Variants in XPO7 observed in about 807,000 individuals in gnomAD.
XPO7 encodes the protein exportin 7.
A neutral mutation model predicts 144.3 loss-of-function variants in XPO7; 21 were observed. That is an observed-to-expected ratio of 0.15 (90% CI 0.10 to 0.21). The LOEUF (loss-of-function observed/expected upper bound fraction) is 0.21. XPO7 is among the 10% of genes least tolerant of loss of function. XPO7 has a pLI of 1.00. For synonymous variants in XPO7, 580 were observed against 499.6 expected, an observed-to-expected ratio of 1.16 and a Z score of -2.15; for missense variants, 808 against 1,325.8, an observed-to-expected ratio of 0.61 and a Z score of 6.06.
intron 4 of XPO7, among the ~76,000 whole-genome samples, chr8:21,971,312 A>T (rs1175614336): frequency 6.6e-6 from 1 of 152,194 alleles, no homozygotes. Context: ...GACTGTATCT[A>T]CTTCCACAAA....
intron 21 of XPO7, among the ~76,000 whole-genome samples, chr8:21,997,682 AGT>A (rs1812998376): frequency 6.6e-6 from 1 of 152,170 alleles, no homozygotes; most frequent in African/African-American, 2.4e-5. Context: ...AAGCCGCTAG[AGT>A]GTTTTCAGCA....
rs1047909373 is a variant in XPO7 at position 21,992,072 on chromosome 8, T to C, written c.2148+98T>C. 37 of 820,394 alleles carry C rather than the reference T, an allele frequency of 4.5e-5. No individual in the cohort carries two copies. The East Asian group carries it at 9.1e-4, about 20-fold the overall frequency. The allele number at this position is 820,394 out of a possible 1,614,324, so 50.8% of individuals were successfully genotyped here. A position where few individuals can be genotyped will look rare whatever the true frequency, so the allele number is the denominator to read the frequency against. On this transcript the variant is annotated intron_variant, in intron 19 of 27. Coordinates refer to ENST00000252512, the MANE Select transcript of XPO7 (RefSeq NM_015024.5). The stretch of plus-strand genomic sequence containing the variant: ...ACTGTAAACTATCCACTGCCATAGC[T>C]TTTTTTAATGTCTTGGACTTCTAGG...
At chr8:21,932,079 G>C (rs1355114508) in intron 1 of XPO7, among the ~76,000 whole-genome samples, 1 of 152,016 alleles carries the variant, frequency 6.6e-6, no homozygotes, top group African/African-American at 2.4e-5. Context: ...TCACCGTGTT[G>C]GCCAGGCTGG....
chr8:21,925,217 G>A (rs1362568451), intron 1 of XPO7, among the ~76,000 whole-genome samples: 1 of 152,176 alleles, frequency 6.6e-6, no homozygotes, highest in Admixed American at 6.5e-5. Flanking sequence ...TTGGGGGAGG[G>A]AGAGAGTTGT....
At chr8:21,929,052 T>C (rs994697155) in intron 1 of XPO7, among the ~76,000 whole-genome samples, 3 of 152,232 alleles carry the variant, frequency 2.0e-5, no homozygotes, top group Non-Finnish European at 4.4e-5. Context: ...GCCCAGTATG[T>C]TTCTAACCCA....
At position 22,005,616 on chromosome 8, in the gene XPO7, T is replaced by C. The variant is rs992566074; in HGVS notation, c.*528T>C. The C allele has an allele frequency of 6.6e-6, 1 of 152,430 alleles. No individual in the cohort carries two copies. The highest frequency in any genetic ancestry group is 6.5e-5 in the Admixed American group (1 of 15,290). The allele number at this position is 152,430 out of a possible 1,614,324, so 9.4% of individuals were successfully genotyped here. A position where few individuals can be genotyped will look rare whatever the true frequency, so the allele number is the denominator to read the frequency against. On this transcript the variant is annotated 3_prime_UTR_variant, in exon 28 of 28. Transcript: ENST00000252512. ...ATGTGTGAGAGTGCAGAGATATATT[T>C]AGTGACACAGTAGAGAGGCAAAAAA...
At chr8:21,985,775 G>A (rs1049904169) in intron 13 of XPO7, 84 bp downstream of exon 13, 16 of 1,219,676 alleles carry the variant, frequency 1.3e-5, no homozygotes, top group African/African-American at 6.0e-5. Context: ...CTTACAGAAC[G>A]TAATCTGAAC....
At chr8:21,955,513 G>A (rs1311893219) in intron 1 of XPO7, among the ~76,000 whole-genome samples, 8 of 152,094 alleles carry the variant, frequency 5.3e-5, no homozygotes, top group Non-Finnish European at 4.4e-5. Context: ...AGGCAGTGGT[G>A]GCAGGGATCT....
chr8:21,955,724 C>CTTTTTTTTTTTTTTT (rs71544845), intron 1 of XPO7, among the ~76,000 whole-genome samples: 1 of 102,774 alleles, frequency 9.7e-6, no homozygotes, highest in Admixed American at 1.1e-4. Flanking sequence ...CTGTGCTTAC[C>CTTTTTTTTTTTTTTT]TTTTTTTTTT....
chr8:21,941,011 T>C (rs1187915443), intron 1 of XPO7, among the ~76,000 whole-genome samples: 1 of 152,164 alleles, frequency 6.6e-6, no homozygotes, highest in Non-Finnish European at 1.5e-5. Flanking sequence ...ATTACAGTCA[T>C]GCCTTGGTGT....
chr8:21,996,533 T>G (rs1174652316), intron 21 of XPO7, among the ~76,000 whole-genome samples: 1 of 152,210 alleles, frequency 6.6e-6, no homozygotes, highest in African/African-American at 2.4e-5. Context: ...TGGTGCCTTG[T>G]CCATCACATT....
chr8:21,985,624 A>G lies in XPO7; in HGVS notation c.1510A>G (p.Ile504Val). 6.2e-7 allele frequency: 1 copy of G among 1,613,920 alleles called. No individual in the cohort carries two copies. Residue 504 changes from isoleucine (I) to valine (V), a missense_variant, in exon 13 of 28, where the codon ATC (isoleucine) becomes GTC (valine). By Grantham distance (29) the Ile-to-Val change is conservative. Coordinates refer to ENST00000252512, the MANE Select transcript of XPO7 (RefSeq NM_015024.5). Reference sequence around the variant, plus strand: ...GCTGGTTTACATTATTGGAGCAGTGATCGGTGGCCGGGTTTCTTTTGCCAG... The same window carrying G: ...GCTGGTTTACATTATTGGAGCAGTGGTCGGTGGCCGGGTTTCTTTTGCCAG... ...TWLVYIIGAV[I>V]GGRVSFASTD...
At chr8:21,950,117 G>A (rs935756088) in intron 1 of XPO7, among the ~76,000 whole-genome samples, 1 of 152,098 alleles carries the variant, frequency 6.6e-6, no homozygotes, top group African/African-American at 2.4e-5. Context: ...GACCACTGTT[G>A]GTCATTTTTG....
chr8:21,979,406 T>A (rs1045751267), intron 8 of XPO7, among the ~76,000 whole-genome samples: 2 of 151,084 alleles, frequency 1.3e-5, no homozygotes, highest in Non-Finnish European at 3.0e-5. Flanking sequence ...TCTTTTTTTT[T>A]TTCGTTTTTT....
chr8:21,974,602 G>A, intron 5 of XPO7, 68 bp from the exon 6 acceptor site: 1 of 1,046,878 alleles, frequency 9.6e-7, no homozygotes. Flanking sequence ...TAGCTTATAG[G>A]AAGTCTACAT....
At chr8:22,004,068 T>C in intron 27 of XPO7, 38 bp downstream of exon 27, 1 of 1,609,210 alleles carries the variant, frequency 6.2e-7, no homozygotes, top group East Asian at 2.2e-5. Context: ...TCTCAGACAA[T>C]TGCTATTTTT....
At chr8:21,967,528 T>C (rs1811923632) in intron 2 of XPO7, among the ~76,000 whole-genome samples, 1 of 152,050 alleles carries the variant, frequency 6.6e-6, no homozygotes. Flanking sequence ...AGACGGGGTT[T>C]CTCCGTGTTG....
chr8:21,978,759 G>T (rs917419505), intron 8 of XPO7, among the ~76,000 whole-genome samples: 2 of 152,144 alleles, frequency 1.3e-5, no homozygotes, highest in African/African-American at 4.8e-5. Flanking sequence ...GAGGAGGGCT[G>T]GACAACAAGA....
chr8:21,972,240 G>A (rs147825329), intron 5 of XPO7, among the ~76,000 whole-genome samples: 2 of 151,976 alleles, frequency 1.3e-5, no homozygotes, highest in African/African-American at 4.8e-5. Context: ...CACTTTGGGA[G>A]GCCGAGGCAG....
Sources: allele counts gnomAD v4.1 joint callset (sites outside exome capture counted in the v4.1 genomes callset), GRCh38; gene constraint gnomAD v4.1.1; transcripts MANE v1.5; gene names NCBI Gene and HGNC (gene_info 2026-07-23, HGNC 2026-07-21).